The following CCDC81 variants were observed in gnomAD, a reference collection of about 807,000 sequenced individuals.
CCDC81 encodes the protein coiled-coil domain-containing protein 81.
A neutral mutation model predicts 83.7 loss-of-function variants in CCDC81; 79 were observed. The ratio of observed to expected loss-of-function variants is 0.94; its 90% CI spans 0.79 to 1.14. The LOEUF is 1.14. Among genes scored for constraint, CCDC81 ranks in the 50% most tolerant of loss-of-function variants. The pLI, the probability that CCDC81 is intolerant of heterozygous loss-of-function variation, is 0.00. For synonymous variants in CCDC81, 252 were observed against 278.1 expected, an observed-to-expected ratio of 0.91 and a Z score of 0.93; for missense variants, 791 against 778.1, an observed-to-expected ratio of 1.02 and a Z score of -0.20.
In CCDC81 at chr11:86,383,541, G is replaced by A. The variant is rs1948200529; in HGVS notation, c.80-2510G>A. Among the ~76,000 whole-genome samples the A allele has an allele frequency of 2.0e-5, 3 of 152,178 alleles. No homozygotes were observed. In the South Asian group the frequency reaches 6.2e-4, roughly 32 times the overall value. On this transcript the variant is annotated intron_variant, in intron 1 of 14. Transcript: ENST00000445632. ...TGTTAAGAATTTGAAGCCAAATGAA[G>A]GTTGAACTGAATATAGAGTATATGT... is the stretch of plus-strand genomic sequence containing the variant.
At position 86,422,863 on chromosome 11, in the gene CCDC81, T is replaced by C. The variant is rs1361434183; in HGVS notation, c.*148T>C. The C allele has an allele frequency of 1.3e-6, 1 of 746,496 alleles. No homozygotes were observed. Among genetic ancestry groups the C allele is most frequent in the Non-Finnish European group, 2.1e-6 (1 of 467,226 alleles). The allele number at this position is 746,496 out of a possible 1,614,324, so 46.2% of individuals were successfully genotyped here. Reference sequence around the variant, plus strand: ...CATTAGATTGCTTGTTAAGCCCTTATTGAATTCACTCCTGCTTTCCTCCCA... The same window carrying C: ...CATTAGATTGCTTGTTAAGCCCTTACTGAATTCACTCCTGCTTTCCTCCCA... On this transcript the variant is annotated 3_prime_UTR_variant, in exon 15 of 15. Transcript: ENST00000445632.
chr11:86,408,639 C>G (rs1299527690), intron 9 of CCDC81, among the ~76,000 whole-genome samples: 1 of 152,108 alleles, frequency 6.6e-6, no homozygotes, highest in African/African-American at 2.4e-5. Context: ...CCCACTGAGC[C>G]CAGCCTATAA....
chr11:86,396,763 G>T (rs189589975), intron 5 of CCDC81, among the ~76,000 whole-genome samples: 4 of 152,080 alleles, frequency 2.6e-5, no homozygotes, highest in South Asian at 2.1e-4. Context: ...TCTTTCCATT[G>T]CACCATATTG....
At chr11:86,422,090 T>C (rs373180079) in intron 14 of CCDC81, among the ~76,000 whole-genome samples, 14 of 152,342 alleles carry the variant, frequency 9.2e-5, no homozygotes, top group Admixed American at 4.6e-4. Context: ...CTCCTGCCCT[T>C]AACTCTCCAG....
chr11:86,414,467 C>T (rs189407212), intron 11 of CCDC81: 77 of 188,988 alleles, frequency 4.1e-4, no homozygotes, highest in African/African-American at 1.5e-3. Context: ...CCACCACCCC[C>T]GGCTAATTCT....
At chr11:86,412,682 A>G (rs377586109) in intron 11 of CCDC81, 123 bp downstream of exon 11, 2 of 864,546 alleles carry the variant, frequency 2.3e-6, no homozygotes, top group East Asian at 2.8e-5. Context: ...TGAGCAAACT[A>G]ACCCAGTTAG....
At chr11:86,383,542 G>A in intron 1 of CCDC81, among the ~76,000 whole-genome samples, 1 of 152,174 alleles carries the variant, frequency 6.6e-6, no homozygotes, top group East Asian at 1.9e-4. Flanking sequence ...CCAAATGAAG[G>A]TTGAACTGAA....
At chr11:86,393,151 A>G (rs538791442) in intron 4 of CCDC81, among the ~76,000 whole-genome samples, 113 of 152,202 alleles carry the variant, frequency 7.4e-4, no homozygotes, top group Non-Finnish European at 1.1e-3. Context: ...CAACCTCCAC[A>G]TGCCGGGTTT....
chr11:86,415,794 C>T (rs983236978), intron 13 of CCDC81, among the ~76,000 whole-genome samples: 5 of 152,168 alleles, frequency 3.3e-5, no homozygotes, highest in African/African-American at 1.2e-4. Flanking sequence ...CCACCTCAGC[C>T]TCTGGAGTAG....
At chr11:86,393,093 C>T (rs766332740) in intron 4 of CCDC81, among the ~76,000 whole-genome samples, 1 of 152,184 alleles carries the variant, frequency 6.6e-6, no homozygotes, top group Non-Finnish European at 1.5e-5. Flanking sequence ...GACAGAGTCT[C>T]ACTCCGTCAC....
intron 1 of CCDC81, among the ~76,000 whole-genome samples, chr11:86,382,646 T>TC (rs1429905731): frequency 1.3e-5 from 2 of 152,082 alleles, no homozygotes; most frequent in Non-Finnish European, 2.9e-5. Context: ...CATTTGGGAA[T>TC]CATCCTGAGT....
Position 86,400,336 on chromosome 11 carries a change from C to T in CCDC81, c.758-342C>T, listed in dbSNP as rs146393533. Reference sequence around the variant, plus strand: ...AACTATATCTATCGAAAGATCTTTACAGGCAAAATGTCTAAATCTACAGAT... The same window carrying T: ...AACTATATCTATCGAAAGATCTTTATAGGCAAAATGTCTAAATCTACAGAT... On this transcript the variant is annotated intron_variant, in intron 6 of 14. Transcript: ENST00000445632. Among the ~76,000 whole-genome samples, 999 of 152,234 alleles carry T rather than the reference C, an allele frequency of 6.6e-3. 7 individuals carry two copies. Among genetic ancestry groups the T allele is most frequent in the South Asian group, 0.015 (74 of 4,816 alleles).
Position 86,407,658 on chromosome 11 carries a change from C to T in CCDC81, c.926C>T (p.Pro309Leu). 2 of 1,613,600 alleles carry T rather than the reference C, an allele frequency of 1.2e-6. No homozygotes were observed. Among genetic ancestry groups the T allele is most frequent in the Non-Finnish European group, 1.7e-6 (2 of 1,179,748 alleles). Reference protein sequence around the residue: ...SCLKHDSEMKPQTSPACQDHN... With the variant: ...SCLKHDSEMKLQTSPACQDHN... ...CTGAAACACGACAGTGAGATGAAGC[C>T]CCAAACATCTCCAGCTTGCCAGGAT... Residue 309 changes from proline (P) to leucine (L), a missense_variant, in exon 8 of 15, where the codon CCC becomes CTC. Transcript: ENST00000445632.
rs1254666304 is a variant in CCDC81 at position 86,387,604 on chromosome 11, CTG to C, written c.234_235del (p.Phe79TyrfsTer22). 4.3e-6 allele frequency: 7 copies of C among 1,612,200 alleles called. No individual in the cohort carries two copies. The highest frequency in any genetic ancestry group is 5.9e-6 in the Non-Finnish European group (7 of 1,178,280). On this transcript the variant is annotated frameshift_variant, in exon 3 of 15. Coordinates refer to ENST00000445632, the MANE Select transcript of CCDC81 (RefSeq NM_001156474.2). LOFTEE classifies it high-confidence loss of function. ...AACAAATTTATCTTAATCCAGAGGC[CTG>C]TGTTTATCATGGTGGAGAAGCTAGT...
chr11:86,392,433 C>A, intron 3 of CCDC81, 108 bp from the exon 4 acceptor site: 1 of 1,292,374 alleles, frequency 7.7e-7, no homozygotes, highest in Non-Finnish European at 1.0e-6. Context: ...CCAGAAGATT[C>A]TATTTTAGGG....
chr11:86,400,039 G>C (rs1948463964), intron 6 of CCDC81, among the ~76,000 whole-genome samples: 1 of 151,486 alleles, frequency 6.6e-6, no homozygotes, highest in Non-Finnish European at 1.5e-5. Flanking sequence ...GCTGAGGTGG[G>C]AGAATTGCTA....
intron 5 of CCDC81, among the ~76,000 whole-genome samples, chr11:86,396,220 G>A (rs1186827611): frequency 6.6e-6 from 1 of 152,074 alleles, no homozygotes; most frequent in Non-Finnish European, 1.5e-5. Context: ...TAATCTTCAC[G>A]ACAACCATGT....
At position 86,422,689 on chromosome 11, in the gene CCDC81, C is replaced by T; in HGVS notation, c.1933C>T (p.Leu645=). Residue 645 remains leucine (L), a synonymous_variant, in exon 15 of 15, where the codon CTG becomes TTG. Coordinates refer to ENST00000445632, the MANE Select transcript of CCDC81 (RefSeq NM_001156474.2). ...ESNLWPLNKF[L]PGSRLLV The stretch of plus-strand genomic sequence containing the variant: ...CAACCTGTGGCCCCTGAACAAGTTC[C>T]TGCCTGGCTCCCGGTTGCTTGTGTA... The T allele has an allele frequency of 6.2e-7, 1 of 1,613,962 alleles. No homozygotes were observed. Among genetic ancestry groups the T allele is most frequent in the South Asian group, 1.1e-5 (1 of 91,036 alleles).
At chr11:86,409,891 G>C (rs1315713698) in intron 10 of CCDC81, among the ~76,000 whole-genome samples, 2 of 152,220 alleles carry the variant, frequency 1.3e-5, no homozygotes, top group African/African-American at 4.8e-5. Context: ...TGCAGGTCTT[G>C]TTAATTATGG....
Sources: gnomAD v4.1 joint callset for allele counts (sites outside exome capture counted in the v4.1 genomes callset) on GRCh38, gnomAD v4.1.1 for gene constraint, MANE v1.5 for transcripts, NCBI Gene and HGNC (gene_info 2026-07-23, HGNC 2026-07-21) for gene names.